The following TMEM132B variants were observed in gnomAD, a reference collection of about 807,000 sequenced individuals.
TMEM132B encodes the protein transmembrane protein 132B.
Under a neutral mutation model 90.8 loss-of-function variants are expected in TMEM132B, and 18 were observed. That is an observed-to-expected ratio of 0.20 (90% CI 0.14 to 0.29). The LOEUF is 0.29. Among genes scored for constraint, TMEM132B ranks in the 10% least tolerant of loss-of-function variants. TMEM132B has a pLI of 1.00. For missense variants in TMEM132B, 1,096 were observed against 1,326.8 expected (o/e 0.83, Z 2.70); for synonymous variants, 504 against 523.3 (o/e 0.96, Z 0.50).
intron 2 of TMEM132B, among the ~76,000 whole-genome samples, chr12:125,384,743 G>A (rs941266231): frequency 8.5e-5 from 13 of 152,050 alleles, no homozygotes; most frequent in Admixed American, 5.9e-4. Context: ...CTCTGCCTCC[G>A]AAGTTCAAGC....
At chr12:125,576,889 T>A (rs1566078976) in intron 4 of TMEM132B, among the ~76,000 whole-genome samples, 1 of 151,830 alleles carries the variant, frequency 6.6e-6, no homozygotes, top group East Asian at 1.9e-4. Context: ...TGCGTGTGTG[T>A]GTGGCAGGGG....
rs140733817 is a variant in TMEM132B, at chr12:125,407,047, G to A, written c.960-8484G>A. Among the ~76,000 whole-genome samples, 1 of 152,284 alleles carries A rather than the reference G, an allele frequency of 6.6e-6. No homozygotes were observed. The highest frequency in any genetic ancestry group is 2.4e-5 in the African/African-American group (1 of 41,554). ...CTGCCAACTGGGGGAGCTCACCCAAGCTTGGTGTCCAGAGCTTTTTTTGGA... is the reference window on the plus strand; with the variant it reads ...CTGCCAACTGGGGGAGCTCACCCAAACTTGGTGTCCAGAGCTTTTTTTGGA... On this transcript the variant is annotated intron_variant, in intron 2 of 8. Coordinates refer to ENST00000682704, the MANE Select transcript of TMEM132B (RefSeq NM_001366854.1). The surrounding 1 kb of genome is among the most constrained non-coding windows in gnomAD (Gnocchi z 6.7).
intron 1 of TMEM132B, among the ~76,000 whole-genome samples, chr12:125,271,554 C>T (rs1273228152): frequency 1.3e-5 from 2 of 150,540 alleles, no homozygotes; most frequent in East Asian, 3.9e-4. Context: ...TAAGACCCAT[C>T]TGAAGGTGGT....
chr12:125,492,904 C>T lies in TMEM132B; in HGVS notation c.1107-26535C>T, dbSNP rs970551789. Among the ~76,000 whole-genome samples, 8 of 152,134 alleles carry T rather than the reference C, an allele frequency of 5.3e-5. No homozygotes were observed. The highest frequency in any genetic ancestry group is 2.6e-4 in the Admixed American group (4 of 15,278). ...CCAGGAAGGGAGATGAAAATAAACCCGTGAAGATAGATAACTATCTAAGGA... is the reference window on the plus strand; with the variant it reads ...CCAGGAAGGGAGATGAAAATAAACCTGTGAAGATAGATAACTATCTAAGGA... On this transcript the variant is annotated intron_variant, in intron 3 of 8. Transcript: ENST00000682704. This position sits in a 1 kb window ranked among gnomAD's most constrained non-coding sequence, Gnocchi z 5.8.
chr12:125,215,747 GC>G (rs1224723744), intron 1 of TMEM132B, among the ~76,000 whole-genome samples: 1 of 152,176 alleles, frequency 6.6e-6, no homozygotes, highest in African/African-American at 2.4e-5. Context: ...TCACCATGTT[GC>G]CCAGGCTGGT....
At chr12:125,478,290 C>T (rs1881941684) in intron 3 of TMEM132B, among the ~76,000 whole-genome samples, 1 of 152,134 alleles carries the variant, frequency 6.6e-6, no homozygotes, top group Non-Finnish European at 1.5e-5. Flanking sequence ...AAGTAGGCTT[C>T]AGAAAGTCGG....
At chr12:125,322,344 G>A (rs967861189) in intron 1 of TMEM132B, among the ~76,000 whole-genome samples, 25 of 152,234 alleles carry the variant, frequency 1.6e-4, no homozygotes, top group Admixed American at 1.6e-3. Flanking sequence ...CAGCCATGTG[G>A]AACTGTGAGT....
At chr12:125,283,557 A>G (rs1379274685) in intron 1 of TMEM132B, among the ~76,000 whole-genome samples, 1 of 152,180 alleles carries the variant, frequency 6.6e-6, no homozygotes, top group Non-Finnish European at 1.5e-5. Flanking sequence ...GGAAACATGT[A>G]ATTACCATGA....
In TMEM132B at chr12:125,433,567, T is replaced by G. The variant is rs1011900894; in HGVS notation, c.1106+17890T>G. 4.0e-5 allele frequency among the ~76,000 whole-genome samples: 6 copies of G among 151,534 alleles called. 1 individual carries two copies. The highest frequency in any genetic ancestry group is 1.2e-4 in the African/African-American group (5 of 41,242). On this transcript the variant is annotated intron_variant, in intron 3 of 8. Coordinates refer to ENST00000682704, the MANE Select transcript of TMEM132B (RefSeq NM_001366854.1). ...TAAGTTTTAGGGTACATGTGCACATTGTGCAGGTTAGTTACATATGTATAC... is the reference window on the plus strand; with the variant it reads ...TAAGTTTTAGGGTACATGTGCACATGGTGCAGGTTAGTTACATATGTATAC...
At chr12:125,194,048 C>G (rs1872866104) in intron 1 of TMEM132B, among the ~76,000 whole-genome samples, 2 of 152,208 alleles carry the variant, frequency 1.3e-5, no homozygotes, top group Non-Finnish European at 2.9e-5. Context: ...GAGTTGAATT[C>G]CAGTGCCTTC....
At position 125,579,328 on chromosome 12, in the gene TMEM132B, A is replaced by C. The variant is rs535709373; in HGVS notation, c.1294-4523A>C. On this transcript the variant is annotated intron_variant, in intron 4 of 8. Coordinates refer to ENST00000682704, the MANE Select transcript of TMEM132B (RefSeq NM_001366854.1). ...AAGAAAATAATTTATATCTATTGATATTCTCTCTTTGGTGAGACAGCTTTC... is the reference window on the plus strand; with the variant it reads ...AAGAAAATAATTTATATCTATTGATCTTCTCTCTTTGGTGAGACAGCTTTC... 1.3e-4 allele frequency among the ~76,000 whole-genome samples: 20 copies of C among 150,278 alleles called. No individual in the cohort carries two copies. In the East Asian group the frequency reaches 3.1e-3, roughly 24 times the overall value.
chr12:125,272,493 G>A (rs1361899623), intron 1 of TMEM132B, among the ~76,000 whole-genome samples: 2 of 152,272 alleles, frequency 1.3e-5, no homozygotes, highest in Admixed American at 6.5e-5. Flanking sequence ...GCCCAGGCCT[G>A]TCTTTGAACA....
At chr12:125,388,810 A>T (rs895536164) in intron 2 of TMEM132B, among the ~76,000 whole-genome samples, 1 of 152,204 alleles carries the variant, frequency 6.6e-6, no homozygotes, top group Non-Finnish European at 1.5e-5. Flanking sequence ...ACACATGTGG[A>T]TATTGTTTCT....
chr12:125,214,366 C>A (rs1333718321), intron 1 of TMEM132B, among the ~76,000 whole-genome samples: 1 of 152,198 alleles, frequency 6.6e-6, no homozygotes, highest in Non-Finnish European at 1.5e-5. Context: ...GTTGGGTAGA[C>A]CTCATATCCC....
intron 1 of TMEM132B, among the ~76,000 whole-genome samples, chr12:125,196,500 G>A (rs1008064892): frequency 1.3e-5 from 2 of 152,308 alleles, no homozygotes; most frequent in South Asian, 2.1e-4. Context: ...ATTAGGCCAG[G>A]AATTCAAGAC....
At chr12:125,597,956 T>A (rs1885481385) in intron 5 of TMEM132B, among the ~76,000 whole-genome samples, 1 of 152,106 alleles carries the variant, frequency 6.6e-6, no homozygotes, top group South Asian at 2.1e-4. Flanking sequence ...ATCTTTAGAG[T>A]TTAGTAAAGA....
At chr12:125,508,848 G>C (rs1345002863) in intron 3 of TMEM132B, among the ~76,000 whole-genome samples, 2 of 147,368 alleles carry the variant, frequency 1.4e-5, no homozygotes, top group Non-Finnish European at 1.5e-5. Context: ...GTATGATCTT[G>C]GCTCACTGCA....
chr12:125,252,793 C>T (rs1206360262), intron 1 of TMEM132B, among the ~76,000 whole-genome samples: 2 of 152,146 alleles, frequency 1.3e-5, no homozygotes, highest in Admixed American at 6.5e-5. Flanking sequence ...AGTTCCTCCC[C>T]GTTTCCCAGC....
At chr12:125,625,225 C>T (rs1301617744) in intron 5 of TMEM132B, among the ~76,000 whole-genome samples, 1 of 146,482 alleles carries the variant, frequency 6.8e-6, no homozygotes, top group Non-Finnish European at 1.5e-5. Context: ...CTCTGCCTCC[C>T]GGGTTCACGC....
Sources: allele counts gnomAD v4.1 joint callset (sites outside exome capture counted in the v4.1 genomes callset), GRCh38; gene constraint gnomAD v4.1.1; non-coding constraint Gnocchi (gnomAD v3.1); transcripts MANE v1.5; gene names NCBI Gene and HGNC (gene_info 2026-07-23, HGNC 2026-07-21).